Variants in ZNF148 observed in about 807,000 individuals in gnomAD.
ZNF148 encodes the protein zinc finger protein 148.
A neutral mutation model predicts 67.7 loss-of-function variants in ZNF148; 7 were observed. The ratio of observed to expected loss-of-function variants is 0.10; its 90% CI spans 0.06 to 0.19. The LOEUF (loss-of-function observed/expected upper bound fraction) is 0.19, where lower values mean the gene tolerates loss of function less well. Among genes scored for constraint, ZNF148 ranks in the 10% least tolerant of loss-of-function variants. ZNF148 has a pLI of 1.00. For missense variants in ZNF148, 583 were observed against 947.1 expected, an observed-to-expected ratio of 0.62 and a Z score of 5.05; for synonymous variants, 333 against 330.7, an observed-to-expected ratio of 1.01 and a Z score of -0.08.
At chr3:125,314,997 G>C (rs1940415623) in intron 3 of ZNF148, 1 of 152,404 alleles carries the variant, frequency 6.6e-6, no homozygotes, top group Non-Finnish European at 1.5e-5. Context: ...AGGATGTTGG[G>C]GCTGCAGTGA....
Position 125,261,326 on chromosome 3 carries a change from T to A in ZNF148, c.667+16400A>T, listed in dbSNP as rs535132114. 2.6e-5 allele frequency among the ~76,000 whole-genome samples: 4 copies of A among 152,276 alleles called. No homozygotes were observed. In the East Asian group the frequency reaches 7.7e-4, roughly 29 times the overall value. On this transcript the variant is annotated intron_variant, in intron 7 of 8. Coordinates refer to ENST00000360647, the MANE Select transcript of ZNF148 (RefSeq NM_021964.3). The stretch of plus-strand genomic sequence containing the variant: ...CTAAGGAAATCATTTCCAGAAGTCA[T>A]TATGGGCCCTCTTAAAATCTAAAGT...
chr3:125,238,464 C>A (rs1324790537), intron 7 of ZNF148, among the ~76,000 whole-genome samples: 1 of 151,936 alleles, frequency 6.6e-6, no homozygotes. Context: ...CCTGTCTCTA[C>A]TAAAAATACA....
intron 1 of ZNF148, among the ~76,000 whole-genome samples, chr3:125,348,164 C>T (rs534550171): frequency 6.6e-6 from 1 of 151,986 alleles, no homozygotes; most frequent in Non-Finnish European, 1.5e-5. Context: ...GAGGCTGTAG[C>T]TGGAGGATTG....
At chr3:125,372,199 T>C (rs1942913537) in intron 1 of ZNF148, among the ~76,000 whole-genome samples, 1 of 152,254 alleles carries the variant, frequency 6.6e-6, no homozygotes, top group African/African-American at 2.4e-5. Context: ...ATGGTCTTTC[T>C]GATAGGTCCA....
Position 125,226,867 on chromosome 3 carries a change from ATC to A in ZNF148, c.*5472_*5473del, listed in dbSNP as rs1248328389. 2 of 152,134 alleles carry A rather than the reference ATC, an allele frequency of 1.3e-5. No individual in the cohort carries two copies. Among genetic ancestry groups the A allele is most frequent in the Non-Finnish European group, 2.9e-5 (2 of 68,000 alleles). The allele number at this position is 152,134 out of a possible 1,614,324, so 9.4% of individuals were successfully genotyped here. Reference sequence around the variant, plus strand: ...AAGTTTATATTTAAAAATATCACAAATCTCTTTTTATTTAACACTGAAAATTT... The same window carrying A: ...AAGTTTATATTTAAAAATATCACAAATCTTTTTATTTAACACTGAAAATTT... On this transcript the variant is annotated 3_prime_UTR_variant, in exon 9 of 9. Coordinates refer to ENST00000360647, the MANE Select transcript of ZNF148 (RefSeq NM_021964.3).
chr3:125,332,449 GTAAAGC>G (rs1941329519), intron 1 of ZNF148, among the ~76,000 whole-genome samples: 1 of 152,118 alleles, frequency 6.6e-6, no homozygotes, highest in Non-Finnish European at 1.5e-5. Context: ...AATGGGTAAA[GTAAAGC>G]TAAATTATGT....
intron 3 of ZNF148, among the ~76,000 whole-genome samples, chr3:125,321,306 C>T (rs766243643): frequency 1.4e-4 from 21 of 152,082 alleles, no homozygotes; most frequent in Non-Finnish European, 2.5e-4. Context: ...GATGTTTAAA[C>T]AAATATCTAT....
chr3:125,338,066 T>C (rs561332270), intron 1 of ZNF148, among the ~76,000 whole-genome samples: 8 of 152,228 alleles, frequency 5.3e-5, no homozygotes, highest in South Asian at 2.1e-4. Context: ...ATTGCACCAC[T>C]GCACTCCAGC....
intron 1 of ZNF148, among the ~76,000 whole-genome samples, chr3:125,331,825 C>T (rs887354967): frequency 1.3e-5 from 2 of 152,154 alleles, no homozygotes; most frequent in Non-Finnish European, 2.9e-5. Flanking sequence ...AGAAAATTAA[C>T]ATTCCACATT....
At chr3:125,267,262 A>G (rs1937554172) in intron 7 of ZNF148, among the ~76,000 whole-genome samples, 1 of 150,878 alleles carries the variant, frequency 6.6e-6, no homozygotes, top group Admixed American at 6.6e-5. Flanking sequence ...ACAACGGGGA[A>G]AAAAAAAAAC....
intron 1 of ZNF148, among the ~76,000 whole-genome samples, chr3:125,362,797 T>A (rs145109014): frequency 9.9e-5 from 15 of 152,192 alleles, no homozygotes; most frequent in Non-Finnish European, 2.2e-4. Flanking sequence ...TCAAGCAATA[T>A]GCCCACCTCA....
At chr3:125,356,169 A>C (rs7609684) in intron 1 of ZNF148, among the ~76,000 whole-genome samples, 83,821 of 152,116 alleles carry the variant, frequency 0.55, 23,993 homozygotes, top group Middle Eastern at 0.67. Context: ...AGAAAGGCCA[A>C]AGAAATCCAG....
chr3:125,236,367 T>G (rs895277112), intron 7 of ZNF148, among the ~76,000 whole-genome samples: 1 of 152,140 alleles, frequency 6.6e-6, no homozygotes, highest in Non-Finnish European at 1.5e-5. Context: ...CCTTGCCCCT[T>G]GTGATAATTT....
rs1935708752 is a variant in ZNF148 at position 125,228,061 on chromosome 3, T to C, written c.*4280A>G. The C allele has an allele frequency of 1.3e-5, 2 of 152,604 alleles. No homozygotes were observed. Among genetic ancestry groups the C allele is most frequent in the African/African-American group, 2.4e-5 (1 of 41,440 alleles). 9.5% of individuals were successfully genotyped at this position (152,604 alleles called of 1,614,324 possible). ...TATCTAAAAATCAATGTAGAAAGTTTAGAATTATTGAAATGTAGTTATGAA... is the reference window on the plus strand; with the variant it reads ...TATCTAAAAATCAATGTAGAAAGTTCAGAATTATTGAAATGTAGTTATGAA... On this transcript the variant is annotated 3_prime_UTR_variant, in exon 9 of 9. Transcript: ENST00000360647.
chr3:125,258,647 A>C (rs964648057), intron 7 of ZNF148, among the ~76,000 whole-genome samples: 8 of 152,132 alleles, frequency 5.3e-5, no homozygotes, highest in African/African-American at 1.9e-4. Flanking sequence ...ATATGTTAAA[A>C]TATTTTCCAA....
Position 125,277,784 on chromosome 3 carries a change from T to A in ZNF148, c.609A>T (p.Gln203His), listed in dbSNP as rs187862668. 1 of 1,610,280 alleles carries A rather than the reference T, an allele frequency of 6.2e-7. No homozygotes were observed. The highest frequency in any genetic ancestry group is 2.2e-5 in the East Asian group (1 of 44,606). The change falls in exon 7 of 9, where the codon CAA (glutamine) becomes CAT (histidine). Residue 203 changes from glutamine to histidine, a missense_variant. Coordinates refer to ENST00000360647, the MANE Select transcript of ZNF148 (RefSeq NM_021964.3). ...HTGEKPFQCS[Q>H]CDMRFIQKYL... ...ACTTCTGTATGAAACGCATGTCACA[T>A]TGACTACATTGAAATGGTTTTTCAC...
intron 5 of ZNF148, among the ~76,000 whole-genome samples, chr3:125,279,733 C>G (rs1469359247): frequency 7.9e-6 from 1 of 125,892 alleles, no homozygotes; most frequent in Non-Finnish European, 1.6e-5. Flanking sequence ...AAAAGCGTGT[C>G]AGGATTTGTT....
intron 7 of ZNF148, among the ~76,000 whole-genome samples, chr3:125,269,573 A>G (rs1436711120): frequency 6.6e-6 from 1 of 152,168 alleles, no homozygotes; most frequent in Non-Finnish European, 1.5e-5. Context: ...AGTAAAAACA[A>G]AACTACCATT....
chr3:125,316,721 T>C (rs992297659), intron 3 of ZNF148, among the ~76,000 whole-genome samples: 1 of 152,214 alleles, frequency 6.6e-6, no homozygotes, highest in South Asian at 2.1e-4. Context: ...ATAGAGTTGT[T>C]TGAGCTCCGT....
Sources: allele counts gnomAD v4.1 joint callset (sites outside exome capture counted in the v4.1 genomes callset), GRCh38; gene constraint gnomAD v4.1.1; transcripts MANE v1.5; gene names NCBI Gene and HGNC (gene_info 2026-07-23, HGNC 2026-07-21).